The following LTBP2 variants were observed in gnomAD, a reference collection of about 807,000 sequenced individuals.
LTBP2 encodes latent transforming growth factor beta binding protein 2.
Under a neutral mutation model 210.6 loss-of-function variants are expected in LTBP2, and 103 were observed. That is an observed-to-expected ratio of 0.49 (90% confidence interval 0.42 to 0.58). LTBP2 has a LOEUF of 0.58. LTBP2 is among the 20% of genes least tolerant of loss of function. LTBP2 has a pLI of 0.00. For synonymous variants in LTBP2, 1,007 were observed against 1,015.0 expected, an observed-to-expected ratio of 0.99 and a Z score of 0.15; for missense variants, 2,313 against 2,494.5, an observed-to-expected ratio of 0.93 and a Z score of 1.55.
At chr14:74,609,082 C>T (rs75678499) in intron 1 of LTBP2, among the ~76,000 whole-genome samples, 1 of 152,348 alleles carries the variant, frequency 6.6e-6, no homozygotes, top group African/African-American at 2.4e-5. Flanking sequence ...TGGTCCCTGG[C>T]TGTCTGCAGC....
At chr14:74,505,956 C>T in intron 28 of LTBP2, 92 bp downstream of exon 28, 1 of 1,552,248 alleles carries the variant, frequency 6.4e-7, no homozygotes, top group Admixed American at 1.7e-5. Flanking sequence ...CAGTGTCCCC[C>T]TCAGCGGCTA....
chr14:74,529,878 T>C (rs1437793299), intron 10 of LTBP2, among the ~76,000 whole-genome samples: 1 of 152,210 alleles, frequency 6.6e-6, no homozygotes, highest in Non-Finnish European at 1.5e-5. Context: ...CGTAGAGGGC[T>C]GACTGGATTC....
In LTBP2 at chr14:74,501,620, G is replaced by A. The variant is rs181190434; in HGVS notation, c.5171-30C>T. On this transcript the variant is annotated intron_variant, in intron 34 of 35. Transcript: ENST00000261978. Reference sequence around the variant, plus strand: ...GAGGAGGAAATCGGAGAGAGGAGGAGGCTGAGGGCTGTGTCCAGACTCTCC... The same window carrying A: ...GAGGAGGAAATCGGAGAGAGGAGGAAGCTGAGGGCTGTGTCCAGACTCTCC... 172 of 1,613,356 alleles carry A rather than the reference G, an allele frequency of 1.1e-4. 2 individuals carry two copies. In the East Asian group the frequency reaches 3.6e-3, roughly 34 times the overall value.
chr14:74,553,648 C>T lies in LTBP2; in HGVS notation c.1022-586G>A, dbSNP rs181368735. ...GGGGAAGCTGCAGAAGACTTTTAAGCAAGACATCATGCTGGCTTTGATGTG... is the reference window on the plus strand; with the variant it reads ...GGGGAAGCTGCAGAAGACTTTTAAGTAAGACATCATGCTGGCTTTGATGTG... On this transcript the variant is annotated intron_variant, in intron 4 of 35. Coordinates refer to ENST00000261978, the MANE Select transcript of LTBP2 (RefSeq NM_000428.3). Among the ~76,000 whole-genome samples, 87 of 152,230 alleles carry T rather than the reference C, an allele frequency of 5.7e-4. 1 individual carries two copies. The highest frequency in any genetic ancestry group is 1.9e-3 in the African/African-American group (81 of 41,544).
chr14:74,592,882 A>G (rs1188054626), intron 2 of LTBP2, among the ~76,000 whole-genome samples: 1 of 152,078 alleles, frequency 6.6e-6, no homozygotes, highest in Non-Finnish European at 1.5e-5. Context: ...ACTGTGACGA[A>G]GCCTCCTCGC....
chr14:74,577,577 C>G (rs1378618237), intron 3 of LTBP2, among the ~76,000 whole-genome samples: 1 of 150,020 alleles, frequency 6.7e-6, no homozygotes, highest in Non-Finnish European at 1.5e-5. Context: ...GGCGCAATCT[C>G]AGTTCACTGC....
rs1167871015 is a variant in LTBP2 at position 74,499,553 on chromosome 14, C to T, written c.*1331G>A. 3 of 228,814 alleles carry T rather than the reference C, an allele frequency of 1.3e-5. No homozygotes were observed. The South Asian group carries it at 5.5e-4, about 42-fold the overall frequency. 14.2% of individuals were successfully genotyped at this position (228,814 alleles called of 1,614,324 possible). A position where few individuals can be genotyped will look rare whatever the true frequency, so the allele number is the denominator to read the frequency against. On this transcript the variant is annotated 3_prime_UTR_variant, in exon 36 of 36. Transcript: ENST00000261978. ...TGCTCCAGTCACATGGAGCCTTGTT[C>T]ATTTACATTGCCATTCATCAGAGAA...
chr14:74,551,429 C>T lies in LTBP2; in HGVS notation c.1400-79G>A, dbSNP rs147562070. 7.6e-3 allele frequency: 10,538 copies of T among 1,389,348 alleles called. 41 individuals carry two copies. Among genetic ancestry groups the T allele is most frequent in the Non-Finnish European group, 9.2e-3 (9,632 of 1,042,468 alleles). The allele number at this position is 1,389,348 out of a possible 1,614,324, so 86.1% of individuals were successfully genotyped here. The stretch of plus-strand genomic sequence containing the variant: ...CCAACCCTCTGAAGGGTATCCACCA[C>T]CCCTGGGCCAGGCAGGCCACTGGCT... On this transcript the variant is annotated intron_variant, in intron 6 of 35. Transcript: ENST00000261978.
intron 2 of LTBP2, among the ~76,000 whole-genome samples, chr14:74,592,033 T>G (rs1414091406): frequency 6.6e-6 from 1 of 152,220 alleles, no homozygotes; most frequent in Non-Finnish European, 1.5e-5. Flanking sequence ...ACTTAAGATA[T>G]TTTTGGAAAC....
intron 34 of LTBP2, 111 bp downstream of exon 34, chr14:74,502,542 C>G: frequency 6.7e-7 from 1 of 1,501,968 alleles, no homozygotes; most frequent in South Asian, 1.1e-5. Context: ...CTTGGTGTGT[C>G]TTTCCCCTTC....
chr14:74,520,088 A>G (rs943614757), intron 17 of LTBP2, among the ~76,000 whole-genome samples: 2 of 152,158 alleles, frequency 1.3e-5, no homozygotes, highest in Non-Finnish European at 2.9e-5. Flanking sequence ...CATTTCCCAC[A>G]CTGGCCTCTT....
At position 74,556,984 on chromosome 14, in the gene LTBP2, GGGCGTGGT is replaced by G. The variant is rs371923058; in HGVS notation, c.831-1299_831-1292del. 3.5e-3 allele frequency among the ~76,000 whole-genome samples: 529 copies of G among 152,314 alleles called. 2 individuals carry two copies. The highest frequency in any genetic ancestry group is 5.7e-3 in the Non-Finnish European group (385 of 68,018). On this transcript the variant is annotated intron_variant, in intron 3 of 35. Transcript: ENST00000261978. ...AGGATTAAAACTTTAGGATGAGGCT[GGGCGTGGT>G]GGCTCACGCCTGTAATCCCAGCACT... is the stretch of plus-strand genomic sequence containing the variant.
chr14:74,506,271 C>A, intron 27 of LTBP2, 80 bp from the exon 28 acceptor site: 1 of 1,587,934 alleles, frequency 6.3e-7, no homozygotes. Context: ...CCACTGCCCC[C>A]AAAAGAAGCA....
intron 6 of LTBP2, among the ~76,000 whole-genome samples, chr14:74,551,680 A>T (rs1456849528): frequency 6.6e-6 from 1 of 152,070 alleles, no homozygotes; most frequent in Admixed American, 6.5e-5. Flanking sequence ...TGCTCGTGCC[A>T]GTCCCTCTGC....
intron 17 of LTBP2, among the ~76,000 whole-genome samples, chr14:74,521,237 T>A (rs2087198059): frequency 6.6e-6 from 1 of 152,172 alleles, no homozygotes; most frequent in Admixed American, 6.5e-5. Context: ...ACAGGCAGGG[T>A]CCCTCTTGAG....
intron 10 of LTBP2, among the ~76,000 whole-genome samples, chr14:74,530,661 G>A (rs1317425920): frequency 6.6e-6 from 1 of 152,178 alleles, no homozygotes; most frequent in Non-Finnish European, 1.5e-5. Context: ...GACTACAGGT[G>A]TGCACCACCA....
At chr14:74,504,444 C>T (rs889158678) in intron 30 of LTBP2, among the ~76,000 whole-genome samples, 5 of 152,206 alleles carry the variant, frequency 3.3e-5, no homozygotes, top group African/African-American at 1.2e-4. Flanking sequence ...GGGAGATGAG[C>T]GCAGCCTCTG....
At chr14:74,509,454 C>A (rs1170797871) in intron 21 of LTBP2, 91 bp from the exon 22 acceptor site, 1 of 1,579,572 alleles carries the variant, frequency 6.3e-7, no homozygotes, top group African/African-American at 1.3e-5. Flanking sequence ...CTCTCTGAGC[C>A]CCTGGGGCTT....
At position 74,611,559 on chromosome 14, in the gene LTBP2, T is replaced by G; in HGVS notation, c.386A>C (p.Gln129Pro). The G allele has an allele frequency of 6.4e-7, 1 of 1,574,328 alleles. No individual in the cohort carries two copies. The highest frequency in any genetic ancestry group is 8.6e-7 in the Non-Finnish European group (1 of 1,167,054). The change falls in exon 1 of 36, where the codon CAG (glutamine) becomes CCG (proline). Residue 129 changes from glutamine to proline, a missense_variant. Coordinates refer to ENST00000261978, the MANE Select transcript of LTBP2 (RefSeq NM_000428.3). ...CCGGGTCCGGGGTGCTGGTTGCTGC[T>G]GGCCCAGGGGAGTGCTTCTCCGGGT... The part of the protein sequence containing the change: ...AQTRRSTPLG[Q>P]QQPAPRTRAA...
Sources: allele counts gnomAD v4.1 joint callset (sites outside exome capture counted in the v4.1 genomes callset), GRCh38; gene constraint gnomAD v4.1.1; transcripts MANE v1.5; gene names NCBI Gene and HGNC (gene_info 2026-07-23, HGNC 2026-07-21).